PVT1: variants seen among roughly 807,000 people sequenced by gnomAD.
PVT1 encodes Pvt1 oncogene.
chr8:127,836,360 G>T (rs1814908873), intron 2 of PVT1, among the ~76,000 whole-genome samples: 1 of 152,100 alleles, frequency 6.6e-6, no homozygotes, highest in African/African-American at 2.4e-5. Context: ...TGTTGCATAG[G>T]TAAACGTGTG....
chr8:128,089,361 G>A (rs1814318678), intron 5 of PVT1, among the ~76,000 whole-genome samples: 1 of 152,098 alleles, frequency 6.6e-6, no homozygotes, highest in African/African-American at 2.4e-5. Flanking sequence ...AGCTCTCTGA[G>A]GTCGCTTATA....
chr8:127,798,853 G>A (rs1048529945), intron 2 of PVT1, among the ~76,000 whole-genome samples: 20 of 152,136 alleles, frequency 1.3e-4, no homozygotes, highest in African/African-American at 4.8e-4. Flanking sequence ...CTGCCTGGGA[G>A]ATAGAGTAAG....
chr8:127,936,947 G>A (rs757524906), intron 3 of PVT1, among the ~76,000 whole-genome samples: 10 of 152,236 alleles, frequency 6.6e-5, no homozygotes, highest in Admixed American at 1.3e-4. Context: ...AACTGTGTAT[G>A]TTCACATATG....
At chr8:128,083,804 G>C (rs1042589950) in intron 5 of PVT1, among the ~76,000 whole-genome samples, 1 of 152,186 alleles carries the variant, frequency 6.6e-6, no homozygotes, top group Non-Finnish European at 1.5e-5. Context: ...GTGTTTGAGG[G>C]AACTGGTGTA....
chr8:127,835,674 CT>C (rs966653838), intron 2 of PVT1, among the ~76,000 whole-genome samples: 10 of 152,138 alleles, frequency 6.6e-5, no homozygotes, highest in Admixed American at 1.3e-4. Flanking sequence ...TATCTCCTGA[CT>C]TTTTTGAAAT....
chr8:127,981,110 A>G (rs374540152), intron 3 of PVT1, among the ~76,000 whole-genome samples: 64 of 152,262 alleles, frequency 4.2e-4, no homozygotes, highest in African/African-American at 1.5e-3. Context: ...AGCCCAGCTT[A>G]TACCCAGTTA....
At chr8:127,902,545 G>A (rs897407891) in intron 3 of PVT1, among the ~76,000 whole-genome samples, 4 of 151,686 alleles carry the variant, frequency 2.6e-5, no homozygotes, top group African/African-American at 9.7e-5. Flanking sequence ...CGCAGGTACT[G>A]AGCATAGTAT....
At chr8:127,861,127 T>G (rs191982136) in intron 2 of PVT1, among the ~76,000 whole-genome samples, 1 of 152,290 alleles carries the variant, frequency 6.6e-6, no homozygotes, top group Admixed American at 6.5e-5. Context: ...CATGTTTTTT[T>G]CTCCCAACCA....
At chr8:127,868,771 A>G (rs549670043) in intron 2 of PVT1, among the ~76,000 whole-genome samples, 2 of 114,218 alleles carry the variant, frequency 1.8e-5, no homozygotes, top group East Asian at 5.3e-4. Flanking sequence ...TCCTTTTAAC[A>G]TATATATATA....
At chr8:127,930,306 G>A (rs968187393) in intron 3 of PVT1, among the ~76,000 whole-genome samples, 25 of 152,082 alleles carry the variant, frequency 1.6e-4, no homozygotes, top group African/African-American at 4.6e-4. Flanking sequence ...ACAGGCATGC[G>A]CCACCAGGTC....
chr8:127,801,889 ATTATTTAT>A (rs56208015), intron 2 of PVT1, among the ~76,000 whole-genome samples: 71,585 of 147,242 alleles, frequency 0.49, 17,765 homozygotes, highest in Non-Finnish European at 0.53. Flanking sequence ...AAGATATCTC[ATTATTTAT>A]TTATTTATTT....
intron 2 of PVT1, among the ~76,000 whole-genome samples, chr8:127,862,990 C>G (rs910322184): frequency 6.6e-6 from 1 of 152,154 alleles, no homozygotes; most frequent in Non-Finnish European, 1.5e-5. Flanking sequence ...GGGGACATTT[C>G]TTTACAAATC....
chr8:128,001,817 C>T (rs1436271021), intron 4 of PVT1, among the ~76,000 whole-genome samples: 7 of 152,218 alleles, frequency 4.6e-5, no homozygotes, highest in Non-Finnish European at 8.8e-5. Flanking sequence ...GTCTTCTTAC[C>T]GCGTCCTCAC....
intron 2 of PVT1, among the ~76,000 whole-genome samples, chr8:127,834,962 A>T (rs1814893607): frequency 6.6e-6 from 1 of 152,188 alleles, no homozygotes; most frequent in Admixed American, 6.5e-5. Flanking sequence ...GCTGGAGAGG[A>T]TGTGGAGAAA....
chr8:127,935,958 G>T lies in PVT1; in HGVS notation n.782+44960G>T, dbSNP rs140507036. ...TGAGAATCTTGTCAGGGGTGGCCAC[G>T]TGAGGGTGGAAGTGGTTTGAATGAG... On this transcript the variant is annotated intron_variant and non_coding_transcript_variant, in intron 3 of 10. Transcript: ENST00000651587. Among the ~76,000 whole-genome samples, 237 of 151,812 alleles carry T rather than the reference G, an allele frequency of 1.6e-3. 1 individual carries two copies. Among genetic ancestry groups the T allele is most frequent in the Middle Eastern group, 3.4e-3 (1 of 290 alleles).
chr8:127,805,522 C>G (rs772264597), intron 2 of PVT1, among the ~76,000 whole-genome samples: 38 of 152,168 alleles, frequency 2.5e-4, no homozygotes, highest in Non-Finnish European at 4.4e-4. Context: ...CCGTGATGCA[C>G]TAACATGTCA....
At chr8:128,025,863 G>A (rs1817487103) in intron 4 of PVT1, among the ~76,000 whole-genome samples, 1 of 152,114 alleles carries the variant, frequency 6.6e-6, no homozygotes, top group African/African-American at 2.4e-5. Context: ...GGCCAAGAGA[G>A]CTTGAGTAGC....
At chr8:127,892,676 C>T (rs760942529) in intron 3 of PVT1, among the ~76,000 whole-genome samples, 4 of 152,096 alleles carry the variant, frequency 2.6e-5, no homozygotes, top group East Asian at 1.9e-4. Context: ...CTTTTCCTTG[C>T]GGTCTTGGGA....
chr8:127,942,171 G>T (rs1816360615), intron 3 of PVT1, among the ~76,000 whole-genome samples: 1 of 152,206 alleles, frequency 6.6e-6, no homozygotes, highest in African/African-American at 2.4e-5. Flanking sequence ...TCGCCTGTCA[G>T]TTCTGCCAGT....
Sources: allele counts gnomAD v4.1 joint callset (sites outside exome capture counted in the v4.1 genomes callset), GRCh38; gene constraint gnomAD v4.1.1; transcripts MANE v1.5; gene names NCBI Gene and HGNC (gene_info 2026-07-23, HGNC 2026-07-21).